The following DOCK1 variants were observed in gnomAD, a reference collection of about 807,000 sequenced individuals.
The protein encoded by DOCK1 is dedicator of cytokinesis 1.
Under a neutral mutation model 262.7 loss-of-function variants are expected in DOCK1, and 138 were observed. The observed-to-expected ratio is 0.53, with a 90% CI of 0.46 to 0.61. DOCK1 has a LOEUF of 0.61. Ranked by LOEUF, DOCK1 falls within the 20% of genes least tolerant of loss-of-function variation. The pLI, the probability that DOCK1 is intolerant of heterozygous loss-of-function variation, is 0.00. For missense variants in DOCK1, 1,908 were observed against 2,370.7 expected (o/e 0.80, Z 4.05); for synonymous variants, 866 against 867.4 (o/e 1.00, Z 0.03).
At chr10:126,973,697 TG>T (rs1263136817) in intron 2 of DOCK1, among the ~76,000 whole-genome samples, 2 of 152,210 alleles carry the variant, frequency 1.3e-5, no homozygotes, top group Non-Finnish European at 2.9e-5. Context: ...GTTTTGACTT[TG>T]GGGAGTGTGG....
intron 29 of DOCK1, among the ~76,000 whole-genome samples, chr10:127,273,037 G>T (rs2060625422): frequency 1.3e-5 from 2 of 152,200 alleles, no homozygotes; most frequent in South Asian, 2.1e-4. Flanking sequence ...GATGAGATTT[G>T]GGTGGGGACA....
intron 23 of DOCK1, among the ~76,000 whole-genome samples, chr10:127,082,083 A>G (rs1019128618): frequency 3.9e-5 from 6 of 151,964 alleles, no homozygotes; most frequent in African/African-American, 1.5e-4. Flanking sequence ...GTTAGTTCCT[A>G]TTTTCTATTA....
In DOCK1 at chr10:127,067,222, G is replaced by A. The variant is rs371948342; in HGVS notation, c.2445+5446G>A. On this transcript the variant is annotated intron_variant, in intron 23 of 51. Transcript: ENST00000623213. ...GAGACCTTGGCGATGGCCCCACTGT[G>A]TTGGCAGCAGGTGGCTGTATCTTGG... Among the ~76,000 whole-genome samples, 21 of 152,370 alleles carry A rather than the reference G, an allele frequency of 1.4e-4. No homozygotes were observed. In the East Asian group the frequency reaches 2.1e-3, roughly 15 times the overall value.
At chr10:126,906,212 C>CT (rs1270434530) in intron 1 of DOCK1, among the ~76,000 whole-genome samples, 4 of 152,320 alleles carry the variant, frequency 2.6e-5, no homozygotes, top group Admixed American at 2.0e-4. Context: ...GAGCGGGGGC[C>CT]TGTTTTTGCT....
intron 27 of DOCK1, among the ~76,000 whole-genome samples, chr10:127,185,821 C>T (rs960750897): frequency 6.6e-6 from 1 of 152,138 alleles, no homozygotes; most frequent in Non-Finnish European, 1.5e-5. Context: ...GGAGATGGCA[C>T]ACACACTCAC....
Position 127,418,369 on chromosome 10 carries a change from A to C in DOCK1, c.4520A>C (p.Glu1507Ala), listed in dbSNP as rs571507465. 7.5e-6 allele frequency: 12 copies of C among 1,608,998 alleles called. No individual in the cohort carries two copies. The African/African-American group carries it at 1.6e-4, about 21-fold the overall frequency. The change falls in exon 45 of 52, where the codon GAA becomes GCA. Residue 1507 changes from glutamate to alanine, a missense_variant. Coordinates refer to ENST00000623213, the MANE Select transcript of DOCK1 (RefSeq NM_001290223.2). ...GGCTCTCCTCTCTCTTTGCAGGTGG[A>C]AATCAGCCCCCTGGAGAATGCCATT... Reference protein sequence around the residue: ...WFEVKSVFMVEISPLENAIET... With the variant: ...WFEVKSVFMVAISPLENAIET...
intron 29 of DOCK1, among the ~76,000 whole-genome samples, chr10:127,261,272 TGTGC>T (rs1564944941): frequency 2.1e-4 from 29 of 139,214 alleles, no homozygotes; most frequent in Non-Finnish European, 3.4e-4. Context: ...GGTGTGTGTG[TGTGC>T]CTGCATGTGT....
chr10:127,404,376 C>G lies in DOCK1; in HGVS notation c.4069C>G (p.Pro1357Ala). 1 of 1,613,956 alleles carries G rather than the reference C, an allele frequency of 6.2e-7. No individual in the cohort carries two copies. The highest frequency in any genetic ancestry group is 2.2e-5 in the East Asian group (1 of 44,886). Residue 1357 changes from proline to alanine, a missense_variant, in exon 40 of 52, where the codon CCT (proline) becomes GCT (alanine). Physicochemically the swap from Pro to Ala is conservative, Grantham distance 27. Transcript: ENST00000623213. ...ENIVKVIRPKPDYFAVGYYGQ... is the reference protein window; with the variant it reads ...ENIVKVIRPKADYFAVGYYGQ... ...CATCGTCAAAGTGATCAGGCCCAAG[C>G]CTGACTATTTTGCTGTTGGCTACTA...
chr10:126,946,753 T>C (rs2035443150), intron 1 of DOCK1, among the ~76,000 whole-genome samples: 1 of 152,336 alleles, frequency 6.6e-6, no homozygotes, highest in Admixed American at 6.5e-5. Flanking sequence ...AACACTTCCT[T>C]GCTCTGAAGA....
chr10:127,418,984 G>A (rs1005667321), intron 45 of DOCK1, among the ~76,000 whole-genome samples: 4 of 152,200 alleles, frequency 2.6e-5, no homozygotes, highest in Admixed American at 2.6e-4. Context: ...AAGGACACAG[G>A]GTGTATCCTA....
At chr10:127,140,619 C>CAGTTGAGTTTGACACACCAAGTCTCTG (rs1370380607) in intron 27 of DOCK1, among the ~76,000 whole-genome samples, 28 of 48,240 alleles carry the variant, frequency 5.8e-4, no homozygotes, top group Non-Finnish European at 1.4e-3. Context: ...CCAAGTCTCT[C>CAGTTGAGTTTGACACACCAAGTCTCTG]GGTTGAGTTT....
intron 1 of DOCK1, among the ~76,000 whole-genome samples, chr10:126,944,423 G>C (rs2035242196): frequency 6.6e-6 from 1 of 152,134 alleles, no homozygotes. Flanking sequence ...TGCCGAGGCA[G>C]CTGTTGGGTG....
chr10:127,419,202 T>C (rs142728768), intron 45 of DOCK1, among the ~76,000 whole-genome samples: 442 of 152,334 alleles, frequency 2.9e-3, no homozygotes, highest in African/African-American at 9.3e-3. Flanking sequence ...TGTTGACCCC[T>C]GATCTAGACA....
Position 127,409,027 on chromosome 10 carries a change from C to T in DOCK1, c.4123-10C>T, listed in dbSNP as rs760571392. 1.7e-5 allele frequency: 27 copies of T among 1,575,160 alleles called. No individual in the cohort carries two copies. The South Asian group carries it at 2.8e-4, about 16-fold the overall frequency. Reference sequence around the variant, plus strand: ...CTGTGGTGTTATGAAATGAATGTCACCCTTTTCAGGGAAAAGTTTTCATTT... The same window carrying T: ...CTGTGGTGTTATGAAATGAATGTCATCCTTTTCAGGGAAAAGTTTTCATTT... On this transcript the variant is annotated splice_polypyrimidine_tract_variant and intron_variant, in intron 40 of 51. Coordinates refer to ENST00000623213, the MANE Select transcript of DOCK1 (RefSeq NM_001290223.2).
intron 7 of DOCK1, 52 bp downstream of exon 7, chr10:126,996,935 C>T (rs1370976092): frequency 6.6e-7 from 1 of 1,505,948 alleles, no homozygotes; most frequent in African/African-American, 1.4e-5. Flanking sequence ...AATAAGTTTT[C>T]AACATTAGTA....
chr10:127,250,489 T>A (rs1372255951), intron 28 of DOCK1, among the ~76,000 whole-genome samples: 1 of 152,086 alleles, frequency 6.6e-6, no homozygotes, highest in East Asian at 1.9e-4. Context: ...ACAATTTGAC[T>A]TCCATTAAGA....
chr10:126,919,868 C>T (rs1258604360), intron 1 of DOCK1, among the ~76,000 whole-genome samples: 1 of 152,180 alleles, frequency 6.6e-6, no homozygotes, highest in African/African-American at 2.4e-5. Flanking sequence ...CCTTGCCGTA[C>T]ATTGAATGAA....
intron 28 of DOCK1, among the ~76,000 whole-genome samples, chr10:127,256,387 G>T (rs2059825807): frequency 6.6e-6 from 1 of 152,150 alleles, no homozygotes; most frequent in South Asian, 2.1e-4. Flanking sequence ...TGATTCAGGA[G>T]ATTAAATAAA....
chr10:127,169,675 TCAATATGTATTTACTATTTGGCC>T (rs967810791), intron 27 of DOCK1, among the ~76,000 whole-genome samples: 1 of 152,196 alleles, frequency 6.6e-6, no homozygotes, highest in African/African-American at 2.4e-5. Flanking sequence ...AGACTGGCTG[TCAATATGTATTTACTATTTGGCC>T]CTTTGCAGAA....
Sources: gnomAD v4.1 joint callset for allele counts (sites outside exome capture counted in the v4.1 genomes callset) on GRCh38, gnomAD v4.1.1 for gene constraint, MANE v1.5 for transcripts, NCBI Gene and HGNC (gene_info 2026-07-23, HGNC 2026-07-21) for gene names.